Variants in ZNF697 observed in about 807,000 individuals in gnomAD.
The protein encoded by ZNF697 is zinc finger protein 697.
A neutral mutation model predicts 32.4 loss-of-function variants in ZNF697; 23 were observed. That is an observed-to-expected ratio of 0.71 (90% CI 0.51 to 1.01). The LOEUF (loss-of-function observed/expected upper bound fraction) is 1.01. Among genes scored for constraint, ZNF697 ranks in the 50% least tolerant of loss-of-function variants. The probability of loss-of-function intolerance (pLI) is 0.00; values close to 1 mark genes in which losing one functional copy is unlikely to be tolerated. For missense variants in ZNF697, 930 were observed against 794.0 expected (o/e 1.17, Z -2.06); for synonymous variants, 418 against 337.2 (o/e 1.24, Z -2.62).
chr1:119,629,947 C>T (rs1050687577), intron 1 of ZNF697, among the ~76,000 whole-genome samples: 1 of 152,168 alleles, frequency 6.6e-6, no homozygotes, highest in Non-Finnish European at 1.5e-5. Context: ...CTGCTGATTG[C>T]CCATCCTGTA....
chr1:119,642,275 C>A (rs1649096432), intron 1 of ZNF697, among the ~76,000 whole-genome samples: 1 of 152,128 alleles, frequency 6.6e-6, no homozygotes, highest in Admixed American at 6.5e-5. Flanking sequence ...CTATTCTGCA[C>A]TATACTATAA....
At chr1:119,628,191 C>A (rs1323433306) in intron 1 of ZNF697, among the ~76,000 whole-genome samples, 1 of 152,086 alleles carries the variant, frequency 6.6e-6, no homozygotes, top group Non-Finnish European at 1.5e-5. Flanking sequence ...ACTAAAATAG[C>A]AGAGGTACAG....
chr1:119,634,105 GT>G (rs1648856588), intron 1 of ZNF697, among the ~76,000 whole-genome samples: 2 of 152,216 alleles, frequency 1.3e-5, no homozygotes, highest in African/African-American at 2.4e-5. Flanking sequence ...CCATATTAAC[GT>G]TGCCAGATGG....
chr1:119,629,824 G>T (rs1648709139), intron 1 of ZNF697, among the ~76,000 whole-genome samples: 1 of 152,220 alleles, frequency 6.6e-6, no homozygotes, highest in Admixed American at 6.5e-5. Flanking sequence ...GCTGCTAAAG[G>T]TTCTATTAAT....
chr1:119,624,261 C>A (rs1032421582), intron 2 of ZNF697, 145 bp from the exon 3 acceptor site: 1 of 1,025,262 alleles, frequency 9.8e-7, no homozygotes, highest in Non-Finnish European at 1.4e-6. Flanking sequence ...GAGAGTTTAG[C>A]CTCTCTCAAC....
rs1649255529 is a variant in ZNF697, at chr1:119,647,787, G to C, written c.-134C>G. 6.6e-6 allele frequency: 1 copy of C among 152,448 alleles called. No individual in the cohort carries two copies. Among genetic ancestry groups the C allele is most frequent in the Non-Finnish European group, 1.5e-5 (1 of 68,276 alleles). The allele number at this position is 152,448 out of a possible 1,614,324, so 9.4% of individuals were successfully genotyped here. A position where few individuals can be genotyped will look rare whatever the true frequency, so the allele number is the denominator to read the frequency against. On this transcript the variant is annotated 5_prime_UTR_variant, in exon 1 of 3. Coordinates refer to ENST00000421812, the MANE Select transcript of ZNF697 (RefSeq NM_001080470.2). Reference sequence around the variant, plus strand: ...CGGCGGGACGGTCCTATTCCCTCTTGCATCGCTGTCTCCTCCCTCAAGTCT... The same window carrying C: ...CGGCGGGACGGTCCTATTCCCTCTTCCATCGCTGTCTCCTCCCTCAAGTCT...
In ZNF697 at chr1:119,622,833, G is replaced by A. The variant is rs1557932955; in HGVS notation, c.1510C>T (p.Gln504Ter). The A allele has an allele frequency of 6.2e-7, 1 of 1,605,530 alleles. No homozygotes were observed. Among genetic ancestry groups the A allele is most frequent in the South Asian group, 1.1e-5 (1 of 90,130 alleles). ...CGGTGGCGGATCAGGTGGGAGCTCTGGATAAAGCTCTTGCCGCACTCGATG... is the reference window on the plus strand; with the variant it reads ...CGGTGGCGGATCAGGTGGGAGCTCTAGATAAAGCTCTTGCCGCACTCGATG... ...TCIECGKSFI[Q>*]SSHLIRHRRI... Residue 504 changes from glutamine (Q) to a stop codon, truncating the protein, a stop_gained, in exon 3 of 3, where the codon CAG becomes TAG. Coordinates refer to ENST00000421812, the MANE Select transcript of ZNF697 (RefSeq NM_001080470.2). LOFTEE classifies it high-confidence loss of function.
At position 119,622,743 on chromosome 1, in the gene ZNF697, T is replaced by C. The variant is rs1000301032; in HGVS notation, c.1600A>G (p.Thr534Ala). 1 of 1,569,050 alleles carries C rather than the reference T, an allele frequency of 6.4e-7. No individual in the cohort carries two copies. Among genetic ancestry groups the C allele is most frequent in the African/African-American group, 1.4e-5 (1 of 73,724 alleles). ...AGCTTCTGGTGCTGCGCGAGGTGCG[T>C]TTTATAGCGGAAGCCTTTGCCGCAG... ...AGCGKGFRYK[T>A]HLAQHQKLHL... Residue 534 changes from threonine (T) to alanine (A), a missense_variant, in exon 3 of 3, where the codon ACG becomes GCG. Coordinates refer to ENST00000421812, the MANE Select transcript of ZNF697 (RefSeq NM_001080470.2).
At position 119,648,104 on chromosome 1, in the gene ZNF697, C is replaced by G. The variant is rs1214582229; in HGVS notation, c.-451G>C. On this transcript the variant is annotated 5_prime_UTR_variant, in exon 1 of 3. Coordinates refer to ENST00000421812, the MANE Select transcript of ZNF697 (RefSeq NM_001080470.2). The stretch of plus-strand genomic sequence containing the variant: ...CGGCTGGCGCGGCGAGGAGCTAGGG[C>G]ACCGAGCGCCCCGGCCCGAGCCCCG... Among the ~76,000 whole-genome samples, 1 of 152,154 alleles carries G rather than the reference C, an allele frequency of 6.6e-6. No individual in the cohort carries two copies. Among genetic ancestry groups the G allele is most frequent in the Admixed American group, 6.5e-5 (1 of 15,280 alleles).
At chr1:119,629,324 A>G (rs1377653648) in intron 1 of ZNF697, among the ~76,000 whole-genome samples, 1 of 152,262 alleles carries the variant, frequency 6.6e-6, no homozygotes, top group African/African-American at 2.4e-5. Context: ...TTAATATTCA[A>G]AAACACCAGA....
Position 119,624,106 on chromosome 1 carries a change from C to G in ZNF697, c.237G>C (p.Leu79=). Residue 79 remains leucine, a synonymous_variant, in exon 3 of 3, where the codon CTG becomes CTC. Coordinates refer to ENST00000421812, the MANE Select transcript of ZNF697 (RefSeq NM_001080470.2). ...GGACAGAAACGCCTTCTTCCTCACT[C>G]AGCTGCCCCTCTGCAACAGAAAAAG... ...AVPDICTEGQ[L]SEEEGVSVRG... 6.4e-7 allele frequency: 1 copy of G among 1,571,390 alleles called. No individual in the cohort carries two copies. The highest frequency in any genetic ancestry group is 2.3e-5 in the East Asian group (1 of 43,604).
intron 1 of ZNF697, among the ~76,000 whole-genome samples, chr1:119,636,075 G>C (rs992712316): frequency 1.1e-4 from 17 of 152,130 alleles, no homozygotes; most frequent in Admixed American, 7.9e-4. Context: ...GCGTGTCTGG[G>C]ACTCATTCAT....
In ZNF697 at chr1:119,623,732, A is replaced by G; in HGVS notation, c.611T>C (p.Phe204Ser). Residue 204 changes from phenylalanine (F) to serine (S), a missense_variant, in exon 3 of 3, where the codon TTC becomes TCC. Coordinates refer to ENST00000421812, the MANE Select transcript of ZNF697 (RefSeq NM_001080470.2). ...CGESFSPGAA[F>S]LQHQRIHRLA... is the part of the protein sequence containing the mutation. ...GCGGTGAATGCGCTGGTGCTGCAGG[A>G]AGGCGGCGCCAGGACTGAAGCTCTC... 1 of 1,537,642 alleles carries G rather than the reference A, an allele frequency of 6.5e-7. No homozygotes were observed. The highest frequency in any genetic ancestry group is 8.7e-7 in the Non-Finnish European group (1 of 1,146,324).
At chr1:119,637,265 C>A (rs138808235) in intron 1 of ZNF697, among the ~76,000 whole-genome samples, 44 of 152,310 alleles carry the variant, frequency 2.9e-4, no homozygotes, top group Middle Eastern at 3.4e-3. Flanking sequence ...ATTAACTGCA[C>A]CATGGGATCA....
In ZNF697 at chr1:119,619,679, CAG is replaced by C. The variant is rs1158773724; in HGVS notation, c.*3024_*3025del. The C allele has an allele frequency of 6.6e-6, 1 of 152,608 alleles. No individual in the cohort carries two copies. Among genetic ancestry groups the C allele is most frequent in the Non-Finnish European group, 1.5e-5 (1 of 68,038 alleles). 9.5% of individuals were successfully genotyped at this position (152,608 alleles called of 1,614,324 possible). On this transcript the variant is annotated 3_prime_UTR_variant, in exon 3 of 3. Transcript: ENST00000421812. ...ACACAGTTTAGATTGTCTATGAACA[CAG>C]GTCCTTAATTTGTATTTTTTCACAT...
intron 2 of ZNF697, 45 bp downstream of exon 2, chr1:119,625,830 G>A: frequency 6.2e-7 from 1 of 1,603,760 alleles, no homozygotes. Context: ...CTAGAAGTAA[G>A]TGTAACTTTG....
chr1:119,642,112 C>G (rs1045489308), intron 1 of ZNF697, among the ~76,000 whole-genome samples: 2 of 152,094 alleles, frequency 1.3e-5, no homozygotes, highest in African/African-American at 4.8e-5. Flanking sequence ...TGATAGAAGC[C>G]AATATGAAAA....
intron 1 of ZNF697, among the ~76,000 whole-genome samples, chr1:119,645,661 T>C (rs778422391): frequency 3.3e-5 from 5 of 152,100 alleles, no homozygotes; most frequent in African/African-American, 1.2e-4. Flanking sequence ...AGGAGAGGGG[T>C]AGGTAGGCAC....
chr1:119,623,763 A>C lies in ZNF697; in HGVS notation c.580T>G (p.Cys194Gly), dbSNP rs774482778. The C allele has an allele frequency of 5.2e-6, 8 of 1,543,078 alleles. No individual in the cohort carries two copies. The highest frequency in any genetic ancestry group is 7.0e-6 in the Non-Finnish European group (8 of 1,146,554). ...IMDAPTICPD[C>G]GESFSPGAAF... The stretch of plus-strand genomic sequence containing the variant: ...GCGCCAGGACTGAAGCTCTCCCCGC[A>C]GTCGGGGCAGATGGTGGGCGCGTCC... Residue 194 changes from cysteine (C) to glycine (G), a missense_variant, in exon 3 of 3, where the codon TGC becomes GGC. Coordinates refer to ENST00000421812, the MANE Select transcript of ZNF697 (RefSeq NM_001080470.2).
Sources: allele counts gnomAD v4.1 joint callset (sites outside exome capture counted in the v4.1 genomes callset), GRCh38; gene constraint gnomAD v4.1.1; transcripts MANE v1.5; gene names NCBI Gene and HGNC (gene_info 2026-07-23, HGNC 2026-07-21).